ABCC5: variants seen among roughly 807,000 people sequenced by gnomAD.
ABCC5 encodes ATP binding cassette subfamily C member 5.
ABCC5 carries 61 observed loss-of-function variants against 160.9 expected under a neutral mutation model. The observed-to-expected ratio is 0.38, with a 90% confidence interval of 0.31 to 0.47. ABCC5 has a LOEUF of 0.47. Ranked by LOEUF, ABCC5 falls within the 20% of genes least tolerant of loss-of-function variation. The pLI is 0.99. For missense variants in ABCC5, 1,308 were observed against 1,813.3 expected (o/e 0.72, Z 5.06); for synonymous variants, 666 against 700.6 (o/e 0.95, Z 0.78).
At chr3:183,956,292 C>T (rs1423153847) in intron 17 of ABCC5, among the ~76,000 whole-genome samples, 4 of 150,952 alleles carry the variant, frequency 2.6e-5, no homozygotes, top group Non-Finnish European at 5.9e-5. Context: ...GTGTATATCA[C>T]ATCTGTTACA....
Position 183,974,574 on chromosome 3 carries a change from C to T in ABCC5, c.1405-2655G>A, listed in dbSNP as rs377160504. Among the ~76,000 whole-genome samples the T allele has an allele frequency of 2.1e-3, 314 of 152,282 alleles. 1 individual carries two copies. The highest frequency in any genetic ancestry group is 7.1e-3 in the African/African-American group (294 of 41,550). On this transcript the variant is annotated intron_variant, in intron 10 of 29. Transcript: ENST00000334444. ...TCCACCTGCTCAGCCTCCCAAAGTG[C>T]TTAGGATTACAGGCGTGAGCCACCA...
chr3:183,922,276 G>A (rs1712074610), intron 29 of ABCC5, among the ~76,000 whole-genome samples: 1 of 152,206 alleles, frequency 6.6e-6, no homozygotes, highest in South Asian at 2.1e-4. Flanking sequence ...GGAGTCTGAG[G>A]CAGGAGAATC....
chr3:183,996,532 A>G (rs913192972), intron 2 of ABCC5, among the ~76,000 whole-genome samples: 2 of 152,194 alleles, frequency 1.3e-5, no homozygotes, highest in African/African-American at 2.4e-5. Context: ...GAAAACATCA[A>G]AATCAAAGGC....
chr3:183,953,274 G>C lies in ABCC5; in HGVS notation c.2483-4C>G. 1 of 1,584,924 alleles carries C rather than the reference G, an allele frequency of 6.3e-7. No individual in the cohort carries two copies. The highest frequency in any genetic ancestry group is 1.1e-5 in the South Asian group (1 of 87,358). On this transcript the variant is annotated splice_region_variant and splice_polypyrimidine_tract_variant and intron_variant, in intron 17 of 29. Coordinates refer to ENST00000334444, the MANE Select transcript of ABCC5 (RefSeq NM_005688.4). ...TCTTCCAGCTGCACAAGCTGCCCTA[G>C]GTAAGAAAAAAAGAAACATGGACTC...
chr3:183,964,781 G>T (rs534080771), intron 14 of ABCC5, among the ~76,000 whole-genome samples: 1 of 152,324 alleles, frequency 6.6e-6, no homozygotes, highest in South Asian at 2.1e-4. Flanking sequence ...GAGACCCAAA[G>T]AAATGTGGAT....
intron 5 of ABCC5, chr3:183,985,176 C>G: frequency 1.1e-6 from 1 of 921,240 alleles, no homozygotes; most frequent in Non-Finnish European, 1.7e-6. Context: ...AAAAATCCAA[C>G]CAAAATTTAG....
At position 183,957,272 on chromosome 3, in the gene ABCC5, G is replaced by A. The variant is rs190399981; in HGVS notation, c.2482+2461C>T. ...TATCACATCTGTTACATGCGGATCC[G>A]TGTGTATATGACATCAGTTACATGC... On this transcript the variant is annotated intron_variant, in intron 17 of 29. Transcript: ENST00000334444. Among the ~76,000 whole-genome samples the A allele has an allele frequency of 1.7e-4, 18 of 108,192 alleles. 2 individuals carry two copies. Among genetic ancestry groups the A allele is most frequent in the Admixed American group, 2.9e-4 (3 of 10,334 alleles). The allele number at this position is 108,192 out of a possible 152,430, so 71.0% of individuals were successfully genotyped here. A position where few individuals can be genotyped will look rare whatever the true frequency, so the allele number is the denominator to read the frequency against.
chr3:183,953,334 C>A (rs1577509848), intron 17 of ABCC5, 64 bp from the exon 18 acceptor site: 1 of 1,459,556 alleles, frequency 6.9e-7, no homozygotes, highest in East Asian at 2.3e-5. Flanking sequence ...AACTAAGTCA[C>A]CTGCAGAGCA....
At chr3:183,968,854 G>A (rs762022364) in intron 11 of ABCC5, among the ~76,000 whole-genome samples, 3 of 152,172 alleles carry the variant, frequency 2.0e-5, no homozygotes, top group African/African-American at 4.8e-5. Flanking sequence ...TCCAGGCCCC[G>A]TGACTTAACC....
chr3:183,947,292 G>A lies in ABCC5; in HGVS notation c.3414+32C>T, dbSNP rs767296281. The A allele has an allele frequency of 1.9e-6, 3 of 1,550,114 alleles. No individual in the cohort carries two copies. The African/African-American group carries it at 4.1e-5, about 21-fold the overall frequency. On this transcript the variant is annotated intron_variant, in intron 23 of 29. Transcript: ENST00000334444. ...GTCAGCAGAGGAAGGGCTCAAACAA[G>A]CAAAGATGACGCTCCTATCCCAGAG...
In ABCC5 at chr3:183,965,242, C is replaced by G; in HGVS notation, c.1974G>C (p.Leu658=). Residue 658 remains leucine, a synonymous_variant, in exon 14 of 30, where the codon CTG becomes CTC. Transcript: ENST00000334444. ...EYDEERYNSV[L]NSCCLRPDLA... ...GGTCAGGCCTCAGGCAGCAGCTGTT[C>G]AGCACAGAGTTGTATCTGGAGGACA... is the stretch of plus-strand genomic sequence containing the variant. 1 of 1,614,228 alleles carries G rather than the reference C, an allele frequency of 6.2e-7. No individual in the cohort carries two copies. The highest frequency in any genetic ancestry group is 8.5e-7 in the Non-Finnish European group (1 of 1,180,044).
chr3:183,954,201 G>A (rs1489960556), intron 17 of ABCC5, among the ~76,000 whole-genome samples: 1 of 152,112 alleles, frequency 6.6e-6, no homozygotes, highest in East Asian at 1.9e-4. Context: ...AGGCTGGAGT[G>A]CAGTGGCGTG....
chr3:183,961,848 C>T (rs1339147573), intron 15 of ABCC5, among the ~76,000 whole-genome samples, 194 bp from the exon 16 acceptor site: 1 of 152,108 alleles, frequency 6.6e-6, no homozygotes, highest in Admixed American at 6.5e-5. Flanking sequence ...GGCGCAATCT[C>T]GGTTCACTGC....
chr3:183,937,828 A>G lies in ABCC5; in HGVS notation c.3854+73T>C, dbSNP rs535255330. On this transcript the variant is annotated intron_variant, in intron 26 of 29. Coordinates refer to ENST00000334444, the MANE Select transcript of ABCC5 (RefSeq NM_005688.4). ...GCTCATGGTCCCAGGGGGCGGTGCT[A>G]GCATCATGTGGTCCCACATGCTCAT... 21 of 1,535,864 alleles carry G rather than the reference A, an allele frequency of 1.4e-5. No homozygotes were observed. In the Admixed American group the frequency reaches 1.7e-4, roughly 13 times the overall value.
intron 17 of ABCC5, among the ~76,000 whole-genome samples, chr3:183,954,076 T>G (rs949428433): frequency 2.0e-5 from 3 of 152,150 alleles, no homozygotes; most frequent in Non-Finnish European, 4.4e-5. Flanking sequence ...ATGTGCCCTA[T>G]CAGGGAAAAT....
chr3:183,947,105 C>T (rs942593522), intron 23 of ABCC5, among the ~76,000 whole-genome samples: 6 of 152,154 alleles, frequency 3.9e-5, no homozygotes, highest in Non-Finnish European at 7.3e-5. Flanking sequence ...CAACAGAGTT[C>T]GATTCCTTTA....
chr3:183,977,693 A>T, intron 9 of ABCC5, 69 bp from the exon 10 acceptor site: 1 of 1,082,056 alleles, frequency 9.2e-7, no homozygotes, highest in Non-Finnish European at 1.4e-6. Flanking sequence ...TGACACCATG[A>T]ATTTCCTCTC....
At chr3:183,993,483 CAA>C (rs57885159) in intron 2 of ABCC5, among the ~76,000 whole-genome samples, 4 of 105,478 alleles carry the variant, frequency 3.8e-5, no homozygotes, top group Non-Finnish European at 5.9e-5. Context: ...GACCCTGTCT[CAA>C]AAAAAAAAAA....
At chr3:183,983,377 C>A in intron 5 of ABCC5, 1 of 255,480 alleles carries the variant, frequency 3.9e-6, no homozygotes, top group Non-Finnish European at 7.7e-6. Context: ...GAAATTAAGA[C>A]CTTTTTTTTG....
Sources: allele counts gnomAD v4.1 joint callset (sites outside exome capture counted in the v4.1 genomes callset), GRCh38; gene constraint gnomAD v4.1.1; transcripts MANE v1.5; gene names NCBI Gene and HGNC (gene_info 2026-07-23, HGNC 2026-07-21).